The following STON2 variants were observed in gnomAD, a reference collection of about 807,000 sequenced individuals.
STON2 encodes stonin-2.
Under a neutral mutation model 65.7 loss-of-function variants are expected in STON2, and 29 were observed. The observed-to-expected ratio is 0.44, with a 90% CI of 0.33 to 0.60. The LOEUF (loss-of-function observed/expected upper bound fraction) is 0.60, where lower values mean the gene tolerates loss of function less well. Among genes scored for constraint, STON2 ranks in the 20% least tolerant of loss-of-function variants. The probability of loss-of-function intolerance (pLI) is 0.03; values close to 1 mark genes in which losing one functional copy is unlikely to be tolerated. For missense variants in STON2, 1,054 were observed against 1,118.1 expected, an observed-to-expected ratio of 0.94 and a Z score of 0.82; for synonymous variants, 404 against 414.2, an observed-to-expected ratio of 0.98 and a Z score of 0.30.
intron 4 of STON2, among the ~76,000 whole-genome samples, chr14:81,336,669 A>G (rs1897383161): frequency 6.6e-6 from 1 of 151,810 alleles, no homozygotes. Flanking sequence ...GGTTGAGGGA[A>G]TCAGGACCAC....
chr14:81,360,467 T>C (rs909203497), intron 4 of STON2, among the ~76,000 whole-genome samples: 19 of 151,906 alleles, frequency 1.3e-4, no homozygotes, highest in African/African-American at 4.1e-4. Context: ...TTTGACAAAA[T>C]TCAACATTCT....
chr14:81,389,537 A>C (rs985689107), intron 3 of STON2, among the ~76,000 whole-genome samples: 10 of 152,360 alleles, frequency 6.6e-5, no homozygotes, highest in African/African-American at 2.4e-4. Flanking sequence ...ATTGATGGGC[A>C]AATCATTTCT....
At chr14:81,356,935 T>A (rs972567097) in intron 4 of STON2, among the ~76,000 whole-genome samples, 2 of 152,172 alleles carry the variant, frequency 1.3e-5, no homozygotes, top group Non-Finnish European at 2.9e-5. Flanking sequence ...GTCTATCAAT[T>A]TTGTTGATCC....
intron 3 of STON2, among the ~76,000 whole-genome samples, chr14:81,394,137 G>A (rs1312927288): frequency 2.0e-5 from 3 of 151,982 alleles, no homozygotes; most frequent in Non-Finnish European, 4.4e-5. Context: ...GTTGCAGTGA[G>A]CTGAGATTGC....
intron 2 of STON2, among the ~76,000 whole-genome samples, chr14:81,423,201 A>C (rs1901799079): frequency 6.6e-6 from 1 of 152,126 alleles, no homozygotes. Flanking sequence ...AAGAGTTCTC[A>C]AGTTAGGGCC....
chr14:81,288,060 C>T (rs1206117494), intron 5 of STON2, among the ~76,000 whole-genome samples: 1 of 152,194 alleles, frequency 6.6e-6, no homozygotes, highest in Non-Finnish European at 1.5e-5. Context: ...CAGTATTCTG[C>T]TTTATAAATT....
At chr14:81,313,522 T>C (rs1254797263) in intron 5 of STON2, among the ~76,000 whole-genome samples, 2 of 149,546 alleles carry the variant, frequency 1.3e-5, no homozygotes, top group African/African-American at 2.5e-5. Flanking sequence ...CAGGCAGGCG[T>C]GGTGGCTCAT....
At position 81,390,270 on chromosome 14, in the gene STON2, A is replaced by G. The variant is rs185667815; in HGVS notation, c.373+5624T>C. Among the ~76,000 whole-genome samples the G allele has an allele frequency of 5.3e-5, 8 of 152,280 alleles. No homozygotes were observed. In the East Asian group the frequency reaches 1.5e-3, roughly 29 times the overall value. Reference sequence around the variant, plus strand: ...AAGACAACCGCAAGAGATGGTAATCACAGCAGCACAGGTTGGCTCTGGTTT... The same window carrying G: ...AAGACAACCGCAAGAGATGGTAATCGCAGCAGCACAGGTTGGCTCTGGTTT... On this transcript the variant is annotated intron_variant, in intron 3 of 7. Coordinates refer to ENST00000614646, the MANE Select transcript of STON2 (RefSeq NM_001394390.1).
At chr14:81,381,766 A>T (rs540417136) in intron 3 of STON2, among the ~76,000 whole-genome samples, 2 of 152,302 alleles carry the variant, frequency 1.3e-5, no homozygotes, top group East Asian at 1.9e-4. Context: ...GCTTGTTGTT[A>T]TCTGATTAAG....
chr14:81,297,462 T>C (rs1019315252), intron 5 of STON2, among the ~76,000 whole-genome samples: 5 of 152,206 alleles, frequency 3.3e-5, no homozygotes, highest in Non-Finnish European at 5.9e-5. Flanking sequence ...TCTACATTGT[T>C]AGAACTGTCC....
intron 4 of STON2, among the ~76,000 whole-genome samples, chr14:81,366,610 T>C (rs560550815): frequency 1.3e-5 from 2 of 152,136 alleles, no homozygotes; most frequent in East Asian, 3.9e-4. Flanking sequence ...CCCAAGGCAG[T>C]TCCTCCCAAG....
chr14:81,278,451 GAGA>G lies in STON2; in HGVS notation c.1028_1030del (p.Phe343del). On this transcript the variant is annotated inframe_deletion, in exon 6 of 8. Transcript: ENST00000614646. ...GGAAATATCCAGCTTCTGAACTTTG[GAGA>G]AGTTCATCAAAGTGCTCTTGGGACG... 1 of 1,614,188 alleles carries G rather than the reference GAGA, an allele frequency of 6.2e-7. No homozygotes were observed. Among genetic ancestry groups the G allele is most frequent in the Non-Finnish European group, 8.5e-7 (1 of 1,180,008 alleles).
At chr14:81,352,915 T>C (rs770193270) in intron 4 of STON2, among the ~76,000 whole-genome samples, 2 of 152,188 alleles carry the variant, frequency 1.3e-5, no homozygotes, top group Non-Finnish European at 1.5e-5. Context: ...TCCACACAGA[T>C]GGTTCAGTAA....
chr14:81,398,322 C>T lies in STON2; in HGVS notation c.61G>A (p.Glu21Lys), dbSNP rs747104623. 6 of 1,614,010 alleles carry T rather than the reference C, an allele frequency of 3.7e-6. No homozygotes were observed. The Admixed American group carries it at 8.3e-5, about 22-fold the overall frequency. Reference protein sequence around the residue: ...HQSEWVSFNEEPPFPAHSQGG... With the variant: ...HQSEWVSFNEKPPFPAHSQGG... ...TGCGAGTGGGCAGGAAAGGGTGGCT[C>T]TTCATTGAAGGAGACCCATTCTGAC... is the stretch of plus-strand genomic sequence containing the variant. The change falls in exon 2 of 8, where the codon GAG becomes AAG. Residue 21 changes from glutamate (E) to lysine (K), a missense_variant. Physicochemically the swap from Glu to Lys is moderately conservative, Grantham distance 56 (BLOSUM62 1). Coordinates refer to ENST00000614646, the MANE Select transcript of STON2 (RefSeq NM_001394390.1).
At position 81,396,093 on chromosome 14, in the gene STON2, T is replaced by G; in HGVS notation, c.174A>C (p.Gly58=). The change falls in exon 3 of 8, where the codon GGA becomes GGC. Residue 58 remains glycine, a synonymous_variant. Coordinates refer to ENST00000614646, the MANE Select transcript of STON2 (RefSeq NM_001394390.1). ...SSSGENHVVD[G]GSQDHSHSEQ... ...CCGAGTGGGAATGGTCTTGAGAGCC[T>G]CCATCCACCACATGGTTCTCCCCGG... The G allele has an allele frequency of 6.2e-7, 1 of 1,614,118 alleles. No individual in the cohort carries two copies. The highest frequency in any genetic ancestry group is 8.5e-7 in the Non-Finnish European group (1 of 1,180,006).
chr14:81,434,257 C>T (rs897978816), intron 1 of STON2, among the ~76,000 whole-genome samples: 1 of 152,138 alleles, frequency 6.6e-6, no homozygotes, highest in Admixed American at 6.5e-5. Flanking sequence ...TGAAGTTTCC[C>T]AGAATCAGTC....
chr14:81,320,758 G>T (rs80236237), intron 5 of STON2, among the ~76,000 whole-genome samples: 4 of 152,136 alleles, frequency 2.6e-5, no homozygotes, highest in South Asian at 2.1e-4. Flanking sequence ...AGGTCTCTGC[G>T]ATGTCTCTTC....
intron 2 of STON2, among the ~76,000 whole-genome samples, chr14:81,425,640 C>T (rs1901933333): frequency 6.6e-6 from 1 of 151,948 alleles, no homozygotes; most frequent in Admixed American, 6.6e-5. Context: ...TTACCTGGCT[C>T]ATGGTGGCAA....
At chr14:81,409,278 G>A (rs956927573) in intron 2 of STON2, among the ~76,000 whole-genome samples, 2 of 151,866 alleles carry the variant, frequency 1.3e-5, no homozygotes, top group East Asian at 1.9e-4. Context: ...AGTGGTGTGC[G>A]CCCATAATTC....
Sources: gnomAD v4.1 joint callset for allele counts (sites outside exome capture counted in the v4.1 genomes callset) on GRCh38, gnomAD v4.1.1 for gene constraint, MANE v1.5 for transcripts, NCBI Gene and HGNC (gene_info 2026-07-23, HGNC 2026-07-21) for gene names.